Variants in FGF12 observed in about 807,000 individuals in gnomAD.
FGF12 encodes the protein fibroblast growth factor 12B.
In FGF12, 14 loss-of-function variants were observed where a neutral mutation model predicts 23.6. The ratio of observed to expected loss-of-function variants is 0.59; its 90% CI spans 0.39 to 0.93. The LOEUF (loss-of-function observed/expected upper bound fraction) is 0.93, where lower values mean the gene tolerates loss of function less well. Ranked by LOEUF, FGF12 falls within the 40% of genes least tolerant of loss-of-function variation. The pLI, the probability that FGF12 is intolerant of heterozygous loss-of-function variation, is 0.00. For synonymous variants in FGF12, 62 were observed against 77.3 expected (o/e 0.80, Z 1.04); for missense variants, 175 against 217.8 (o/e 0.80, Z 1.24).
chr3:192,639,573 A>G (rs752422997), intron 2 of FGF12, among the ~76,000 whole-genome samples: 4 of 152,222 alleles, frequency 2.6e-5, no homozygotes, highest in Admixed American at 6.5e-5. Flanking sequence ...CAACAAATAG[A>G]TAAGGAAACG....
intron 2 of FGF12, among the ~76,000 whole-genome samples, chr3:192,584,924 A>ATGACATCT (rs1207794942): frequency 1.3e-5 from 2 of 152,160 alleles, no homozygotes; most frequent in Non-Finnish European, 2.9e-5. Flanking sequence ...TCTCTGGGAT[A>ATGACATCT]TGACATCTGC....
intron 4 of FGF12, among the ~76,000 whole-genome samples, chr3:192,232,028 T>C (rs1316321805): frequency 6.6e-6 from 1 of 152,184 alleles, no homozygotes; most frequent in Non-Finnish European, 1.5e-5. Flanking sequence ...AATATTCATT[T>C]GAAATAAATT....
At chr3:192,286,087 A>T (rs1039985935) in intron 4 of FGF12, among the ~76,000 whole-genome samples, 1 of 152,004 alleles carries the variant, frequency 6.6e-6, no homozygotes, top group African/African-American at 2.4e-5. Flanking sequence ...AAATTCCAAT[A>T]AGGAGGTGAT....
chr3:192,727,405 A>T, intron 1 of FGF12, 79 bp downstream of exon 1: 1 of 1,426,080 alleles, frequency 7.0e-7, no homozygotes, highest in Non-Finnish European at 9.3e-7. Context: ...TTGCCTCTAC[A>T]GGGGATACGT....
chr3:192,365,976 T>TAAAAA (rs5855421), intron 2 of FGF12, among the ~76,000 whole-genome samples: 1 of 130,788 alleles, frequency 7.6e-6, no homozygotes. Flanking sequence ...GCTTCAAAGG[T>TAAAAA]AAAAAAAAAA....
At position 192,387,557 on chromosome 3, in the gene FGF12, A is replaced by T. The variant is rs151029477; in HGVS notation, c.14-27019T>A. 2.0e-5 allele frequency among the ~76,000 whole-genome samples: 3 copies of T among 152,204 alleles called. No homozygotes were observed. In the East Asian group the frequency reaches 5.8e-4, roughly 29 times the overall value. ...GTATAGTTATTTTCAGTAAAACAAT[A>T]ACAAAACAGTTTGGATGCGGTGGCT... On this transcript the variant is annotated intron_variant, in intron 2 of 5. Coordinates refer to ENST00000445105, the MANE Select transcript of FGF12 (RefSeq NM_004113.6).
chr3:192,526,559 C>T (rs1364314844), intron 2 of FGF12, among the ~76,000 whole-genome samples: 1 of 152,144 alleles, frequency 6.6e-6, no homozygotes, highest in Non-Finnish European at 1.5e-5. Flanking sequence ...CACGCATACA[C>T]ACACACACAC....
At chr3:192,235,192 GTTGT>G (rs1323431470) in intron 4 of FGF12, among the ~76,000 whole-genome samples, 1 of 152,024 alleles carries the variant, frequency 6.6e-6, no homozygotes, top group Non-Finnish European at 1.5e-5. Context: ...TAGTTTGTAT[GTTGT>G]TTATTACTGA....
chr3:192,649,585 T>C (rs1716137200), intron 2 of FGF12, among the ~76,000 whole-genome samples: 1 of 152,176 alleles, frequency 6.6e-6, no homozygotes. Flanking sequence ...TAATAGAGTC[T>C]CACCCTGTCT....
At chr3:192,173,988 C>T (rs1191117273) in intron 4 of FGF12, among the ~76,000 whole-genome samples, 4 of 152,190 alleles carry the variant, frequency 2.6e-5, no homozygotes, top group African/African-American at 9.7e-5. Flanking sequence ...GCGGCAGATC[C>T]AGACCCTGTG....
chr3:192,410,292 C>G (rs889896536), intron 2 of FGF12, among the ~76,000 whole-genome samples: 5 of 152,024 alleles, frequency 3.3e-5, no homozygotes, highest in Non-Finnish European at 7.4e-5. Context: ...TCCCTCCTCT[C>G]TGTGTCTTCT....
At position 192,143,725 on chromosome 3, in the gene FGF12, C is replaced by G; in HGVS notation, c.*284G>C. ...AATTAGCCTTCTACTAATAACAATA[C>G]AGTTTAATTTAATATTTATGGAGTT... On this transcript the variant is annotated 3_prime_UTR_variant, in exon 6 of 6. Transcript: ENST00000445105. 1 of 304,682 alleles carries G rather than the reference C, an allele frequency of 3.3e-6. No individual in the cohort carries two copies. Among genetic ancestry groups the G allele is most frequent in the Non-Finnish European group, 6.0e-6 (1 of 165,990 alleles). The allele number at this position is 304,682 out of a possible 1,614,324, so 18.9% of individuals were successfully genotyped here.
chr3:192,211,028 T>A (rs1490978391), intron 4 of FGF12, among the ~76,000 whole-genome samples: 8 of 152,166 alleles, frequency 5.3e-5, no homozygotes, highest in Non-Finnish European at 8.8e-5. Context: ...TAATGTCTCA[T>A]ATCTCGAAAG....
intron 2 of FGF12, among the ~76,000 whole-genome samples, chr3:192,593,600 T>C (rs1713717400): frequency 6.6e-6 from 1 of 151,920 alleles, no homozygotes; most frequent in Non-Finnish European, 1.5e-5. Context: ...AAATTGGGAG[T>C]TCACCAAACT....
intron 2 of FGF12, among the ~76,000 whole-genome samples, chr3:192,402,414 A>G (rs532291540): frequency 9.9e-5 from 15 of 152,144 alleles, no homozygotes; most frequent in Non-Finnish European, 1.8e-4. Flanking sequence ...TCAGCTTTCC[A>G]CTTCTCTCCT....
chr3:192,578,767 A>T (rs1713015945), intron 2 of FGF12, among the ~76,000 whole-genome samples: 2 of 152,216 alleles, frequency 1.3e-5, no homozygotes, highest in African/African-American at 2.4e-5. Flanking sequence ...AGAAAATAAG[A>T]ACTGGGTCAC....
chr3:192,321,349 G>A (rs1716524105), intron 4 of FGF12, among the ~76,000 whole-genome samples: 1 of 152,004 alleles, frequency 6.6e-6, no homozygotes, highest in African/African-American at 2.4e-5. Flanking sequence ...CCAGGACTTA[G>A]TGGATTCACT....
intron 2 of FGF12, among the ~76,000 whole-genome samples, chr3:192,422,042 T>TA (rs1004459832): frequency 6.6e-5 from 10 of 151,436 alleles, no homozygotes; most frequent in Admixed American, 2.0e-4. Flanking sequence ...AGTTTATTTT[T>TA]TTTTGGCTTT....
At chr3:192,701,288 C>T (rs958870733) in intron 2 of FGF12, among the ~76,000 whole-genome samples, 2 of 152,164 alleles carry the variant, frequency 1.3e-5, no homozygotes, top group African/African-American at 4.8e-5. Context: ...AACCAACATA[C>T]ATCTTACAGG....
Sources: gnomAD v4.1 joint callset for allele counts (sites outside exome capture counted in the v4.1 genomes callset) on GRCh38, gnomAD v4.1.1 for gene constraint, MANE v1.5 for transcripts, NCBI Gene and HGNC (gene_info 2026-07-23, HGNC 2026-07-21) for gene names.